Variants in BBOX1 observed in about 807,000 individuals in gnomAD.
BBOX1 encodes the protein gamma-butyrobetaine dioxygenase.
BBOX1 carries 35 observed loss-of-function variants against 41.6 expected under a neutral mutation model. The ratio of observed to expected loss-of-function variants is 0.84; its 90% confidence interval spans 0.64 to 1.11. BBOX1 has a LOEUF of 1.11. Ranked by LOEUF, BBOX1 falls within the 50% of genes most tolerant of loss-of-function variation. The pLI is 0.00. For missense variants in BBOX1, 458 were observed against 460.6 expected, an observed-to-expected ratio of 0.99 and a Z score of 0.05; for synonymous variants, 163 against 154.7, an observed-to-expected ratio of 1.05 and a Z score of -0.40.
At chr11:27,088,819 CA>C (rs1858134607) in intron 4 of BBOX1, among the ~76,000 whole-genome samples, 1 of 151,960 alleles carries the variant, frequency 6.6e-6, no homozygotes, top group Non-Finnish European at 1.5e-5. Flanking sequence ...TTCTCTATAA[CA>C]CAGCAACACT....
chr11:27,114,490 G>A (rs1859186478), intron 5 of BBOX1, among the ~76,000 whole-genome samples: 1 of 151,812 alleles, frequency 6.6e-6, no homozygotes, highest in Admixed American at 6.6e-5. Flanking sequence ...TCCTGATTTT[G>A]AAATTTAACT....
chr11:27,075,655 A>G (rs556448117), intron 4 of BBOX1, among the ~76,000 whole-genome samples: 1 of 152,262 alleles, frequency 6.6e-6, no homozygotes, highest in African/African-American at 2.4e-5. Flanking sequence ...ATCTCTTTTC[A>G]TCTGCAGGAA....
chr11:27,043,179 T>A (rs558396594), intron 2 of BBOX1, among the ~76,000 whole-genome samples: 2 of 152,136 alleles, frequency 1.3e-5, no homozygotes, highest in Non-Finnish European at 2.9e-5. Context: ...TTCTCCTGCC[T>A]CAGCCTCCTG....
chr11:27,120,358 T>C (rs1859420215), intron 7 of BBOX1, among the ~76,000 whole-genome samples: 2 of 152,128 alleles, frequency 1.3e-5, no homozygotes, highest in South Asian at 4.1e-4. Flanking sequence ...GCTAGATGAC[T>C]CAATCCCTAA....
chr11:27,109,842 T>C (rs1246970581), intron 5 of BBOX1, among the ~76,000 whole-genome samples: 1 of 152,030 alleles, frequency 6.6e-6, no homozygotes, highest in Non-Finnish European at 1.5e-5. Flanking sequence ...AATACCAGAC[T>C]AGAGTGACTT....
rs1851332557 is a variant in BBOX1, at chr11:27,040,998, A to C, written c.-332A>C. 6.6e-6 allele frequency: 1 copy of C among 152,146 alleles called. No homozygotes were observed. Among genetic ancestry groups the C allele is most frequent in the Non-Finnish European group, 1.5e-5 (1 of 68,052 alleles). The allele number at this position is 152,146 out of a possible 1,614,324, so 9.4% of individuals were successfully genotyped here. On this transcript the variant is annotated 5_prime_UTR_variant, in exon 1 of 9. Coordinates refer to ENST00000263182, the MANE Select transcript of BBOX1 (RefSeq NM_003986.3). Reference sequence around the variant, plus strand: ...TGCTTGTTCACTTGCTGCTGTTGCCACTGCTGGTACAGAAATAGAAGGTAA... The same window carrying C: ...TGCTTGTTCACTTGCTGCTGTTGCCCCTGCTGGTACAGAAATAGAAGGTAA...
chr11:27,088,201 T>C (rs555312982), intron 4 of BBOX1, among the ~76,000 whole-genome samples: 27 of 152,146 alleles, frequency 1.8e-4, no homozygotes, highest in African/African-American at 5.8e-4. Context: ...ACTTCTTGAA[T>C]GAACAATGTA....
At chr11:27,047,975 T>C (rs1451168837) in intron 2 of BBOX1, among the ~76,000 whole-genome samples, 2 of 152,302 alleles carry the variant, frequency 1.3e-5, no homozygotes, top group East Asian at 3.8e-4. Context: ...TTTTTCCTGT[T>C]TTATTGAGGT....
chr11:27,075,168 T>C (rs1004591279), intron 4 of BBOX1, among the ~76,000 whole-genome samples: 1 of 152,236 alleles, frequency 6.6e-6, no homozygotes, highest in Non-Finnish European at 1.5e-5. Context: ...AGGATGTGAC[T>C]TTAATGTTTA....
chr11:27,077,174 A>ACT (rs1857661203), intron 4 of BBOX1, among the ~76,000 whole-genome samples: 1 of 152,118 alleles, frequency 6.6e-6, no homozygotes, highest in African/African-American at 2.4e-5. Context: ...CACCTGTGTT[A>ACT]GCTGACAGAC....
intron 4 of BBOX1, among the ~76,000 whole-genome samples, chr11:27,069,656 A>G (rs533768915): frequency 4.9e-4 from 75 of 152,170 alleles, no homozygotes; most frequent in Non-Finnish European, 7.9e-4. Flanking sequence ...TCCAGTTCTC[A>G]GGAACTGGAA....
intron 5 of BBOX1, among the ~76,000 whole-genome samples, chr11:27,096,941 G>T (rs1280868771): frequency 6.6e-6 from 1 of 151,944 alleles, no homozygotes; most frequent in African/African-American, 2.4e-5. Context: ...TATTTTCTCA[G>T]ATGCTTGTCA....
chr11:27,062,015 A>C (rs551358547), intron 4 of BBOX1, among the ~76,000 whole-genome samples: 1 of 152,364 alleles, frequency 6.6e-6, no homozygotes, highest in East Asian at 1.9e-4. Flanking sequence ...AACCACACAT[A>C]GAAAGTTAAT....
chr11:27,109,997 T>C (rs1858999501), intron 5 of BBOX1, among the ~76,000 whole-genome samples: 1 of 152,030 alleles, frequency 6.6e-6, no homozygotes, highest in African/African-American at 2.4e-5. Context: ...GATAATAAAT[T>C]TTTATATAGT....
At chr11:27,046,672 A>T (rs1212490119) in intron 2 of BBOX1, among the ~76,000 whole-genome samples, 1 of 152,146 alleles carries the variant, frequency 6.6e-6, no homozygotes, top group Non-Finnish European at 1.5e-5. Flanking sequence ...TTTGTCAAAG[A>T]CATCCCACTG....
intron 4 of BBOX1, among the ~76,000 whole-genome samples, chr11:27,072,541 T>G (rs1857488621): frequency 6.6e-6 from 1 of 152,152 alleles, no homozygotes; most frequent in Non-Finnish European, 1.5e-5. Context: ...AAGCTACCAA[T>G]GACTTCGTCA....
chr11:27,093,077 A>G, intron 4 of BBOX1, 91 bp from the exon 5 acceptor site: 1 of 1,224,428 alleles, frequency 8.2e-7, no homozygotes, highest in Non-Finnish European at 1.2e-6. Context: ...ATCAACAATC[A>G]ACTTTAATGA....
chr11:27,098,855 A>G (rs1395112201), intron 5 of BBOX1, among the ~76,000 whole-genome samples: 1 of 144,752 alleles, frequency 6.9e-6, no homozygotes, highest in African/African-American at 2.8e-5. Context: ...TTATTAATTA[A>G]CTATCCTGCT....
chr11:27,079,932 C>T (rs929683060), intron 4 of BBOX1, among the ~76,000 whole-genome samples: 2 of 152,070 alleles, frequency 1.3e-5, no homozygotes, highest in African/African-American at 2.4e-5. Flanking sequence ...CAGAATCCAA[C>T]CATATCTTGC....
Sources: allele counts gnomAD v4.1 joint callset (sites outside exome capture counted in the v4.1 genomes callset), GRCh38; gene constraint gnomAD v4.1.1; transcripts MANE v1.5; gene names NCBI Gene and HGNC (gene_info 2026-07-23, HGNC 2026-07-21).